NTNG2: variants seen among roughly 807,000 people sequenced by gnomAD.
NTNG2 encodes netrin-G2.
A neutral mutation model predicts 47.6 loss-of-function variants in NTNG2; 15 were observed. The ratio of observed to expected loss-of-function variants is 0.32; its 90% CI spans 0.21 to 0.49. The LOEUF is 0.49. NTNG2 is among the 20% of genes least tolerant of loss of function. The pLI is 0.99. For missense variants in NTNG2, 578 were observed against 764.6 expected (o/e 0.76, Z 2.88); for synonymous variants, 307 against 324.6 (o/e 0.95, Z 0.58).
intron 3 of NTNG2, among the ~76,000 whole-genome samples, chr9:132,220,814 A>G (rs1840304324): frequency 6.6e-6 from 1 of 152,086 alleles, no homozygotes; most frequent in South Asian, 2.1e-4. Flanking sequence ...TAATTTTTAT[A>G]TGTGATGTGA....
upstream of NTNG2, chr9:132,161,812 C>G (rs1460693738): frequency 2.3e-4 from 35 of 151,210 alleles, no homozygotes; most frequent in Admixed American, 8.5e-4. This position sits in a 1 kb window ranked among gnomAD's most constrained non-coding sequence, Gnocchi z 7.2. Flanking sequence ...CGCGCCGCGC[C>G]GGGGGGATGC....
chr9:132,211,361 G>GCCTC (rs1433858108), intron 3 of NTNG2, among the ~76,000 whole-genome samples: 2 of 152,112 alleles, frequency 1.3e-5, no homozygotes, highest in Non-Finnish European at 2.9e-5. Context: ...GACATGACTG[G>GCCTC]CCTCCCTCCC....
chr9:132,239,676 G>A (rs541535617), intron 6 of NTNG2, among the ~76,000 whole-genome samples: 23 of 152,356 alleles, frequency 1.5e-4, no homozygotes, highest in Admixed American at 5.2e-4. Flanking sequence ...TTCCAGAAAG[G>A]TGGAGGAGCA....
intron 2 of NTNG2, among the ~76,000 whole-genome samples, chr9:132,183,352 C>T (rs1314141261): frequency 3.3e-5 from 5 of 152,220 alleles, no homozygotes; most frequent in Non-Finnish European, 5.9e-5. Context: ...CTCTCCTGCG[C>T]TCCCCACCAA....
intron 3 of NTNG2, 114 bp downstream of exon 3, chr9:132,198,723 T>C (rs2130735650): frequency 8.8e-7 from 1 of 1,141,172 alleles, no homozygotes; most frequent in Non-Finnish European, 1.2e-6. Flanking sequence ...ACCGGGTTCT[T>C]GGGATGTTAC....
chr9:132,239,891 T>C (rs913021587), intron 6 of NTNG2, among the ~76,000 whole-genome samples: 2 of 152,392 alleles, frequency 1.3e-5, no homozygotes, highest in Non-Finnish European at 2.9e-5. Flanking sequence ...GCTATAAAGC[T>C]GCTCTTCACC....
At chr9:132,173,480 G>C (rs1161572073) in intron 2 of NTNG2, among the ~76,000 whole-genome samples, 4 of 152,198 alleles carry the variant, frequency 2.6e-5, no homozygotes, top group Admixed American at 2.6e-4. Context: ...CAGAGACTTA[G>C]AGACCCCCAG....
rs149922563 is a variant in NTNG2, at chr9:132,221,620, G to A, written c.858-5229G>A. On this transcript the variant is annotated intron_variant, in intron 3 of 7. Coordinates refer to ENST00000393229, the MANE Select transcript of NTNG2 (RefSeq NM_032536.4). This position sits in a 1 kb window ranked among gnomAD's most constrained non-coding sequence, Gnocchi z 4.2. ...GTGCTTGTTCTGGGGCTCAGCCAGC[G>A]AGTTGAAGAGGCCGGGACATCTTCT... Among the ~76,000 whole-genome samples, 3 of 152,308 alleles carry A rather than the reference G, an allele frequency of 2.0e-5. No homozygotes were observed. In the East Asian group the frequency reaches 5.8e-4, roughly 29 times the overall value.
chr9:132,175,716 G>A (rs1466201974), intron 2 of NTNG2, among the ~76,000 whole-genome samples: 4 of 152,226 alleles, frequency 2.6e-5, no homozygotes, highest in Non-Finnish European at 4.4e-5. Flanking sequence ...GTGCATAGGA[G>A]CAGAGTGAAT....
chr9:132,216,410 CTCTCTGTGTGTGTGTGTATGTG>C (rs1226382230), intron 3 of NTNG2, among the ~76,000 whole-genome samples: 48 of 92,808 alleles, frequency 5.2e-4, no homozygotes, highest in South Asian at 2.7e-3. Context: ...CTCTCTCTCT[CTCTCTGTGTGTGTGTGTATGTG>C]TGTGTGTGTG....
chr9:132,202,715 G>A (rs1838869212), intron 3 of NTNG2, among the ~76,000 whole-genome samples: 1 of 152,202 alleles, frequency 6.6e-6, no homozygotes, highest in Non-Finnish European at 1.5e-5. Context: ...AAGAGAAGCG[G>A]GGCCCAAACC....
chr9:132,165,260 C>T (rs1360833583), intron 1 of NTNG2, among the ~76,000 whole-genome samples: 1 of 152,108 alleles, frequency 6.6e-6, no homozygotes, highest in Non-Finnish European at 1.5e-5. Flanking sequence ...CGTGTTATTT[C>T]CCAATGTAAC....
chr9:132,225,970 G>A (rs989805740), intron 3 of NTNG2, among the ~76,000 whole-genome samples: 7 of 152,178 alleles, frequency 4.6e-5, no homozygotes, highest in Non-Finnish European at 7.3e-5. Flanking sequence ...GCTGGGTCTA[G>A]AGGCTTGATC....
intron 2 of NTNG2, among the ~76,000 whole-genome samples, chr9:132,178,641 T>C (rs1230186676): frequency 2.6e-5 from 4 of 151,658 alleles, no homozygotes; most frequent in Admixed American, 1.3e-4. Flanking sequence ...GTGAAGACAA[T>C]ATAAAACCAC....
At chr9:132,240,617 C>G in intron 6 of NTNG2, 1 of 525,940 alleles carries the variant, frequency 1.9e-6, no homozygotes, top group African/African-American at 1.9e-5. Flanking sequence ...AGCGACCCCT[C>G]TAGTTGCCCA....
intron 2 of NTNG2, among the ~76,000 whole-genome samples, chr9:132,169,615 G>A (rs1459732430): frequency 6.6e-6 from 1 of 152,242 alleles, no homozygotes; most frequent in Non-Finnish European, 1.5e-5. Context: ...CCACCCACCA[G>A]GCGGCACAGC....
intron 2 of NTNG2, among the ~76,000 whole-genome samples, chr9:132,169,624 G>A (rs1157106101): frequency 6.6e-6 from 1 of 152,220 alleles, no homozygotes; most frequent in Non-Finnish European, 1.5e-5. Context: ...AGGCGGCACA[G>A]CCTCCCCTCT....
intron 1 of NTNG2, among the ~76,000 whole-genome samples, chr9:132,164,084 T>C (rs533274450): frequency 1.3e-5 from 2 of 152,202 alleles, no homozygotes; most frequent in Non-Finnish European, 2.9e-5. Flanking sequence ...CTTCTCTTTT[T>C]TCTTTTTGGC....
chr9:132,236,664 G>A lies in NTNG2; in HGVS notation c.1055-2440G>A, dbSNP rs1841651095. Among the ~76,000 whole-genome samples the A allele has an allele frequency of 6.6e-6, 1 of 152,246 alleles. No individual in the cohort carries two copies. The highest frequency in any genetic ancestry group is 2.1e-4 in the South Asian group (1 of 4,830). ...ACCTGGGCCTGGTGTCCTCTGTGGT[G>A]ATGGAGACAGAGCTGGCGGGAGCCA... On this transcript the variant is annotated intron_variant, in intron 5 of 7. Coordinates refer to ENST00000393229, the MANE Select transcript of NTNG2 (RefSeq NM_032536.4). The surrounding 1 kb of genome is among the most constrained non-coding windows in gnomAD (Gnocchi z 4.3).
Sources: allele counts gnomAD v4.1 joint callset (sites outside exome capture counted in the v4.1 genomes callset), GRCh38; gene constraint gnomAD v4.1.1; non-coding constraint Gnocchi (gnomAD v3.1); transcripts MANE v1.5; gene names NCBI Gene and HGNC (gene_info 2026-07-23, HGNC 2026-07-21).